Variants in AZIN2 observed in about 807,000 individuals in gnomAD.
The protein encoded by AZIN2 is ODC antizyme inhibitor-2.
In AZIN2, 28 loss-of-function variants were observed where a neutral mutation model predicts 47.8. That is an observed-to-expected ratio of 0.59 (90% confidence interval 0.43 to 0.80). The LOEUF is 0.80. Ranked by LOEUF, AZIN2 falls within the 30% of genes least tolerant of loss-of-function variation. AZIN2 has a pLI of 0.00. For synonymous variants in AZIN2, 221 were observed against 239.4 expected, an observed-to-expected ratio of 0.92 and a Z score of 0.71; for missense variants, 535 against 582.5, an observed-to-expected ratio of 0.92 and a Z score of 0.84.
chr1:33,117,853 G>C (rs1270129386), intron 10 of AZIN2, 49 bp from the exon 11 acceptor site: 3 of 1,603,168 alleles, frequency 1.9e-6, no homozygotes, highest in South Asian at 2.2e-5. Flanking sequence ...GAGTGGCAAG[G>C]CTGTTGTATG....
the AZIN2 span, among the ~76,000 whole-genome samples, chr1:33,144,947 A>G: frequency 6.6e-6 from 1 of 152,216 alleles, no homozygotes; most frequent in African/African-American, 2.4e-5. Context: ...CAGCTTACCA[A>G]TAAATTATGT....
At chr1:33,159,685 T>G in the AZIN2 span, 1 of 1,603,822 alleles carries the variant, frequency 6.2e-7, no homozygotes, top group South Asian at 1.1e-5. This position sits in a 1 kb window ranked among gnomAD's most constrained non-coding sequence, Gnocchi z 4.2. Flanking sequence ...GGGTGGCACT[T>G]ACCGCTCGGA....
chr1:33,086,081 G>A (rs996212051), intron 5 of AZIN2, among the ~76,000 whole-genome samples: 3 of 152,226 alleles, frequency 2.0e-5, no homozygotes, highest in Non-Finnish European at 2.9e-5. Context: ...TGTTAAGGCT[G>A]AGAGAGACCT....
chr1:33,162,536 C>T, the AZIN2 span, among the ~76,000 whole-genome samples: 4 of 152,336 alleles, frequency 2.6e-5, no homozygotes, highest in Middle Eastern at 3.4e-3. Flanking sequence ...CTGTGCCCAT[C>T]CCAGAGCCTG....
intron 8 of AZIN2, 71 bp from the exon 9 acceptor site, chr1:33,096,636 G>A: frequency 6.4e-7 from 1 of 1,554,200 alleles, no homozygotes; most frequent in South Asian, 1.1e-5. Context: ...TAGACTTGGA[G>A]CTGTAGCAAG....
the AZIN2 span, chr1:33,147,340 T>TCTTGTCC: frequency 6.2e-7 from 1 of 1,614,196 alleles, no homozygotes; most frequent in East Asian, 2.2e-5. This position sits in a 1 kb window ranked among gnomAD's most constrained non-coding sequence, Gnocchi z 8.1. Flanking sequence ...GCCTTGGTCA[T>TCTTGTCC]AGTCCAGGAA....
chr1:33,125,435 A>G (rs1299280830), downstream of AZIN2, among the ~76,000 whole-genome samples: 1 of 152,142 alleles, frequency 6.6e-6, no homozygotes, highest in African/African-American at 2.4e-5. Context: ...CTCTTTTCTC[A>G]CATTTCAGTT....
At chr1:33,097,625 C>T (rs1404392760) in intron 9 of AZIN2, among the ~76,000 whole-genome samples, 1 of 152,156 alleles carries the variant, frequency 6.6e-6, no homozygotes, top group Non-Finnish European at 1.5e-5. Context: ...GTAGAATGTC[C>T]TGTGTTCGTG....
intron 10 of AZIN2, among the ~76,000 whole-genome samples, chr1:33,109,478 A>G (rs1181420485): frequency 6.6e-6 from 1 of 151,854 alleles, no homozygotes; most frequent in Non-Finnish European, 1.5e-5. Context: ...ACAGGTGTGC[A>G]CTACCAAGCC....
At position 33,120,341 on chromosome 1, in the gene AZIN2, C is replaced by A; in HGVS notation, c.*159C>A. The stretch of plus-strand genomic sequence containing the variant: ...CAGTGTTTCTGCCCTGTAAATAGGA[C>A]CAGTCTTACACTCGCTGTAGTTCAA... On this transcript the variant is annotated 3_prime_UTR_variant, in exon 12 of 12. Transcript: ENST00000294517. 1 of 955,178 alleles carries A rather than the reference C, an allele frequency of 1.0e-6. No individual in the cohort carries two copies. Among genetic ancestry groups the A allele is most frequent in the Non-Finnish European group, 1.5e-6 (1 of 653,600 alleles). 59.2% of individuals were successfully genotyped at this position (955,178 alleles called of 1,614,324 possible).
intron 10 of AZIN2, among the ~76,000 whole-genome samples, chr1:33,111,773 T>C (rs1213682245): frequency 1.3e-5 from 2 of 152,046 alleles, no homozygotes; most frequent in African/African-American, 2.4e-5. Flanking sequence ...GGCTAATTTT[T>C]GTATTTTTTT....
In AZIN2 at chr1:33,093,432, C is replaced by A; in HGVS notation, c.587+16C>A. 1 of 1,610,100 alleles carries A rather than the reference C, an allele frequency of 6.2e-7. No individual in the cohort carries two copies. The highest frequency in any genetic ancestry group is 1.1e-5 in the South Asian group (1 of 90,554). On this transcript the variant is annotated intron_variant, in intron 7 of 11. Coordinates refer to ENST00000294517, the MANE Select transcript of AZIN2 (RefSeq NM_052998.4). ...TGGGTGTGAGGTGAGCACTGGGAACCCCTGCCATCCCCTCCCACACCAGGC... is the reference window on the plus strand; with the variant it reads ...TGGGTGTGAGGTGAGCACTGGGAACACCTGCCATCCCCTCCCACACCAGGC...
At chr1:33,106,852 C>T (rs551742434) in intron 10 of AZIN2, among the ~76,000 whole-genome samples, 1 of 152,262 alleles carries the variant, frequency 6.6e-6, no homozygotes, top group East Asian at 1.9e-4. Flanking sequence ...GACTAAGATG[C>T]TCACTCTCAC....
chr1:33,165,791 C>G, the AZIN2 span: 4 of 403,030 alleles, frequency 9.9e-6, no homozygotes, highest in Non-Finnish European at 1.8e-5. The surrounding 1 kb of genome is among the most constrained non-coding windows in gnomAD (Gnocchi z 4.0). Context: ...CAACCTCCTC[C>G]TCTTTGGCCA....
At chr1:33,092,007 C>T (rs1642603140) in intron 5 of AZIN2, 43 bp from the exon 6 acceptor site, 1 of 1,592,906 alleles carries the variant, frequency 6.3e-7, no homozygotes, top group Non-Finnish European at 8.6e-7. Context: ...CGTGGGCTAG[C>T]AGGCCCTGGT....
rs1263623751 is a variant in AZIN2 at position 33,123,093 on chromosome 1, C to T, written c.*2911C>T. ...ACTGCTGGGCATGCATTTACTGTCC[C>T]CTCTCTAGAATGATCTTCCTGGGTT... On this transcript the variant is annotated 3_prime_UTR_variant, in exon 12 of 12. Coordinates refer to ENST00000294517, the MANE Select transcript of AZIN2 (RefSeq NM_052998.4). 6.6e-6 allele frequency among the ~76,000 whole-genome samples: 1 copy of T among 152,190 alleles called. No individual in the cohort carries two copies. Among genetic ancestry groups the T allele is most frequent in the Admixed American group, 6.5e-5 (1 of 15,286 alleles).
chr1:33,093,347 T>G lies in AZIN2; in HGVS notation c.518T>G (p.Val173Gly), dbSNP rs1180147977. 10 of 1,613,770 alleles carry G rather than the reference T, an allele frequency of 6.2e-6. No individual in the cohort carries two copies. The Admixed American group carries it at 1.5e-4, about 24-fold the overall frequency. Residue 173 changes from valine to glycine, a missense_variant, in exon 7 of 12, where the codon GTG (valine) becomes GGG (glycine). Physicochemically the swap from Val to Gly is moderately radical, Grantham distance 109. Around this residue, in one of 3 missense-constraint regions of AZIN2, gnomAD observed 409 missense variants for 429.0 expected, o/e 0.95. Coordinates refer to ENST00000294517, the MANE Select transcript of AZIN2 (RefSeq NM_052998.4). ...AGCTGCCTGAGCCTAAAGTTTGGAG[T>G]GTCACTGAAATCCTGCAGACACCTG... The part of the protein sequence containing the change: ...SLSCLSLKFG[V>G]SLKSCRHLLE...
chr1:33,147,140 A>T, the AZIN2 span: 1 of 1,595,106 alleles, frequency 6.3e-7, no homozygotes, highest in East Asian at 2.2e-5. The surrounding 1 kb of genome is among the most constrained non-coding windows in gnomAD (Gnocchi z 8.1). Context: ...TGCAGGTGGC[A>T]GTGGTCCCAG....
Position 33,118,059 on chromosome 1 carries a change from C to T in AZIN2, c.1187C>T (p.Ser396Phe). Residue 396 changes from serine (S) to phenylalanine (F), a missense_variant, in exon 11 of 12, where the codon TCC becomes TTC. Transcript: ENST00000294517. ...GGCGCCTACACTGTGGGCATGGGTTCCCCCTTTTGGGGGACCCAGGCCTGC... is the reference window on the plus strand; with the variant it reads ...GGCGCCTACACTGTGGGCATGGGTTTCCCCTTTTGGGGGACCCAGGCCTGC... ...NMGAYTVGMG[S>F]PFWGTQACHI... is the part of the protein sequence containing the mutation. The T allele has an allele frequency of 6.5e-7, 1 of 1,530,402 alleles. No individual in the cohort carries two copies. Among genetic ancestry groups the T allele is most frequent in the Non-Finnish European group, 8.8e-7 (1 of 1,142,828 alleles). The allele number at this position is 1,530,402 out of a possible 1,614,324, so 94.8% of individuals were successfully genotyped here.
Sources: gnomAD v4.1 joint callset for allele counts (sites outside exome capture counted in the v4.1 genomes callset) on GRCh38, gnomAD v4.1.1 for gene constraint, gnomAD v4.1.1 regional missense constraint, Gnocchi (gnomAD v3.1) non-coding constraint, MANE v1.5 for transcripts, NCBI Gene and HGNC (gene_info 2026-07-23, HGNC 2026-07-21) for gene names.